Variants in LRRN1 observed in about 807,000 individuals in gnomAD.
LRRN1 encodes leucine-rich repeat neuronal protein 1.
In LRRN1, 14 loss-of-function variants were observed where a neutral mutation model predicts 45.8. That is an observed-to-expected ratio of 0.31 (90% CI 0.20 to 0.48). The LOEUF is 0.48. Among genes scored for constraint, LRRN1 ranks in the 20% least tolerant of loss-of-function variants. The pLI is 0.99. For synonymous variants in LRRN1, 359 were observed against 330.1 expected (o/e 1.09, Z -0.95); for missense variants, 789 against 874.2 (o/e 0.90, Z 1.23).
chr3:3,841,072 G>A (rs1050766787), intron 1 of LRRN1, among the ~76,000 whole-genome samples: 2 of 152,132 alleles, frequency 1.3e-5, no homozygotes, highest in Non-Finnish European at 1.5e-5. Flanking sequence ...GGCCGAAGTG[G>A]ACGGATAACG....
At position 3,816,611 on chromosome 3, in the gene LRRN1, C is replaced by T. The variant is rs913612303; in HGVS notation, c.-279+16692C>T. ...CTATGTCTTAGTAAAAAATATATAA[C>T]CACCCTTATTAAAGGCAAAAATATA... On this transcript the variant is annotated intron_variant, in intron 1 of 1. Coordinates refer to ENST00000319331, the MANE Select transcript of LRRN1 (RefSeq NM_020873.7). The surrounding 1 kb of genome is among the most constrained non-coding windows in gnomAD (Gnocchi z 4.0). Among the ~76,000 whole-genome samples the T allele has an allele frequency of 6.6e-6, 1 of 152,056 alleles. No homozygotes were observed. Among genetic ancestry groups the T allele is most frequent in the African/African-American group, 2.4e-5 (1 of 41,404 alleles).
chr3:3,814,715 G>A (rs1692953324), intron 1 of LRRN1, among the ~76,000 whole-genome samples: 1 of 152,058 alleles, frequency 6.6e-6, no homozygotes. Context: ...TCTGCCATGT[G>A]AGGATGTGAG....
At chr3:3,843,003 C>G (rs1046878350) in intron 1 of LRRN1, among the ~76,000 whole-genome samples, 1 of 152,182 alleles carries the variant, frequency 6.6e-6, no homozygotes, top group East Asian at 1.9e-4. Context: ...TTTTACTTGT[C>G]ATCTGACAAC....
chr3:3,819,067 C>A (rs912129061), intron 1 of LRRN1, among the ~76,000 whole-genome samples: 3 of 151,920 alleles, frequency 2.0e-5, no homozygotes, highest in African/African-American at 7.2e-5. Context: ...GATCACAGCT[C>A]ACTTGCAGCC....
intron 1 of LRRN1, among the ~76,000 whole-genome samples, chr3:3,830,850 C>G (rs554511130): frequency 6.6e-6 from 1 of 152,296 alleles, no homozygotes; most frequent in South Asian, 2.1e-4. Flanking sequence ...GACCCATGGT[C>G]AAACGTTCAG....
chr3:3,835,285 T>C (rs112714748), intron 1 of LRRN1, among the ~76,000 whole-genome samples: 65 of 152,322 alleles, frequency 4.3e-4, no homozygotes, highest in African/African-American at 1.5e-3. Flanking sequence ...TTGGGCAAAA[T>C]CATCTACCAT....
intron 1 of LRRN1, among the ~76,000 whole-genome samples, chr3:3,812,008 A>G (rs1692884401): frequency 6.6e-6 from 1 of 152,226 alleles, no homozygotes; most frequent in Non-Finnish European, 1.5e-5. Flanking sequence ...GAATGGAGGA[A>G]TAATGTCTAC....
intron 1 of LRRN1, among the ~76,000 whole-genome samples, chr3:3,843,653 T>C (rs924389354): frequency 6.6e-6 from 1 of 152,108 alleles, no homozygotes; most frequent in African/African-American, 2.4e-5. Flanking sequence ...ACTTTGTATA[T>C]GTGGAATCAT....
At chr3:3,800,296 C>T (rs542370063) in intron 1 of LRRN1, among the ~76,000 whole-genome samples, 2 of 151,896 alleles carry the variant, frequency 1.3e-5, no homozygotes, top group Non-Finnish European at 2.9e-5. Flanking sequence ...GGAGGGCTGC[C>T]GGGATGTGAA....
intron 1 of LRRN1, among the ~76,000 whole-genome samples, chr3:3,834,533 T>TATC (rs1553563082): frequency 1.9e-5 from 2 of 105,008 alleles, no homozygotes; most frequent in African/African-American, 7.2e-5. Flanking sequence ...AGGATATATA[T>TATC]ATATATATAT....
chr3:3,800,510 G>C (rs1692624051), intron 1 of LRRN1, among the ~76,000 whole-genome samples: 1 of 151,632 alleles, frequency 6.6e-6, no homozygotes, highest in Admixed American at 6.5e-5. Flanking sequence ...GCCTTGGGAA[G>C]GATCTACCGA....
chr3:3,822,213 T>A lies in LRRN1; in HGVS notation c.-278-22151T>A, dbSNP rs77391027. Among the ~76,000 whole-genome samples, 1,602 of 152,294 alleles carry A rather than the reference T, an allele frequency of 0.011. 52 individuals carry two copies. The East Asian group carries it at 0.13, about 13-fold the overall frequency. On this transcript the variant is annotated intron_variant, in intron 1 of 1. Coordinates refer to ENST00000319331, the MANE Select transcript of LRRN1 (RefSeq NM_020873.7). ...CGTTGCAAGCATTCCATGAAATAATTTATGTAAATGATTCAATGCAGTGCA... is the reference window on the plus strand; with the variant it reads ...CGTTGCAAGCATTCCATGAAATAATATATGTAAATGATTCAATGCAGTGCA...
rs73131009 is a variant in LRRN1, at chr3:3,811,047, C to G, written c.-279+11128C>G. Among the ~76,000 whole-genome samples the G allele has an allele frequency of 3.1e-3, 466 of 152,242 alleles. 2 individuals are homozygous for G. The highest frequency in any genetic ancestry group is 0.011 in the African/African-American group (459 of 41,536). ...CCATACTCTTAGCTCTGGGGGAAAG[C>G]CAGTACCACACAGCTGGTCACCTGG... On this transcript the variant is annotated intron_variant, in intron 1 of 1. Transcript: ENST00000319331.
chr3:3,805,975 G>C (rs1434373878), intron 1 of LRRN1, among the ~76,000 whole-genome samples: 2 of 152,164 alleles, frequency 1.3e-5, no homozygotes, highest in East Asian at 1.9e-4. Flanking sequence ...TATTTATTGA[G>C]TGCTCTGTAG....
chr3:3,822,529 T>G (rs1693125172), intron 1 of LRRN1, among the ~76,000 whole-genome samples: 1 of 152,184 alleles, frequency 6.6e-6, no homozygotes, highest in South Asian at 2.1e-4. Flanking sequence ...GTGAAGGATT[T>G]AACTTGTTTG....
chr3:3,814,316 T>C (rs1332076536), intron 1 of LRRN1, among the ~76,000 whole-genome samples: 1 of 151,254 alleles, frequency 6.6e-6, no homozygotes, highest in African/African-American at 2.4e-5. Flanking sequence ...GTGCTGGATA[T>C]TCTTGATGTC....
intron 1 of LRRN1, among the ~76,000 whole-genome samples, chr3:3,803,723 G>T (rs1692702067): frequency 6.6e-6 from 1 of 152,094 alleles, no homozygotes; most frequent in African/African-American, 2.4e-5. Context: ...TCTTGTTTTG[G>T]CTCAAAGTAC....
chr3:3,835,724 C>T (rs1036675209), intron 1 of LRRN1, among the ~76,000 whole-genome samples: 4 of 151,618 alleles, frequency 2.6e-5, no homozygotes, highest in African/African-American at 9.7e-5. Flanking sequence ...TAATGTCATT[C>T]TGTTAAACTA....
intron 1 of LRRN1, among the ~76,000 whole-genome samples, chr3:3,814,981 T>C (rs538229044): frequency 9.9e-4 from 151 of 152,266 alleles, no homozygotes; most frequent in African/African-American, 3.6e-3. Context: ...CTTTTCTGTA[T>C]TCATTCCCTT....
Sources: allele counts gnomAD v4.1 joint callset (sites outside exome capture counted in the v4.1 genomes callset), GRCh38; gene constraint gnomAD v4.1.1; non-coding constraint Gnocchi (gnomAD v3.1); transcripts MANE v1.5; gene names NCBI Gene and HGNC (gene_info 2026-07-23, HGNC 2026-07-21).